The following TMEM135 variants were observed in gnomAD, a reference collection of about 807,000 sequenced individuals.
The protein encoded by TMEM135 is transmembrane protein 135, also known as peroxisomal membrane protein 52.
In TMEM135, 30 loss-of-function variants were observed where a neutral mutation model predicts 60.3. The ratio of observed to expected loss-of-function variants is 0.50; its 90% CI spans 0.37 to 0.68. TMEM135 has a LOEUF of 0.68. Among genes scored for constraint, TMEM135 ranks in the 30% least tolerant of loss-of-function variants. The pLI is 0.00. For missense variants in TMEM135, 468 were observed against 548.8 expected (o/e 0.85, Z 1.47); for synonymous variants, 190 against 186.7 (o/e 1.02, Z -0.14).
At chr11:87,094,413 T>C (rs1350282855) in intron 4 of TMEM135, among the ~76,000 whole-genome samples, 1 of 152,272 alleles carries the variant, frequency 6.6e-6, no homozygotes, top group Non-Finnish European at 1.5e-5. Flanking sequence ...TTCAGTAATT[T>C]AGAGGTCTTG....
chr11:87,057,818 T>G (rs1208616937), intron 1 of TMEM135, among the ~76,000 whole-genome samples: 1 of 149,404 alleles, frequency 6.7e-6, no homozygotes, highest in Non-Finnish European at 1.5e-5. Flanking sequence ...TGTGTGTGTT[T>G]GTGTGTGTGT....
intron 5 of TMEM135, among the ~76,000 whole-genome samples, chr11:87,194,964 A>T (rs666987): frequency 0.13 from 20,015 of 152,116 alleles, 1,375 homozygotes; most frequent in Non-Finnish European, 0.15. Flanking sequence ...CTTGTTTCTA[A>T]CTTTTTAAAT....
At chr11:87,073,680 T>G (rs1856815541) in intron 3 of TMEM135, among the ~76,000 whole-genome samples, 1 of 152,152 alleles carries the variant, frequency 6.6e-6, no homozygotes, top group South Asian at 2.1e-4. Context: ...TTATTTTTTT[T>G]TTTTTGAGAC....
intron 4 of TMEM135, among the ~76,000 whole-genome samples, chr11:87,129,496 G>A (rs1437140746): frequency 1.3e-5 from 2 of 150,114 alleles, no homozygotes; most frequent in East Asian, 2.0e-4. Flanking sequence ...GTCTGCCTAG[G>A]CCTCCCAAAG....
rs571195382 is a variant in TMEM135 at position 87,207,384 on chromosome 11, G to A, written c.463-29254G>A. Among the ~76,000 whole-genome samples, 88 of 152,138 alleles carry A rather than the reference G, an allele frequency of 5.8e-4. 2 individuals carry two copies. Among genetic ancestry groups the A allele is most frequent in the African/African-American group, 2.1e-3 (86 of 41,492 alleles). On this transcript the variant is annotated intron_variant, in intron 5 of 14. Coordinates refer to ENST00000305494, the MANE Select transcript of TMEM135 (RefSeq NM_022918.4). ...TGGCTCTTTTTCTGTTATTCCCTGT[G>A]ATCTTTGCTGTATTTGAAATCATTT... is the stretch of plus-strand genomic sequence containing the variant.
intron 4 of TMEM135, among the ~76,000 whole-genome samples, chr11:87,148,902 G>A (rs1377594887): frequency 2.0e-5 from 3 of 151,798 alleles, no homozygotes; most frequent in Admixed American, 6.6e-5. Flanking sequence ...CGCATTATTG[G>A]CCTGTTATAA....
rs80008827 is a variant in TMEM135, at chr11:87,237,263, G to C, written c.509+579G>C. On this transcript the variant is annotated intron_variant, in intron 6 of 14. Transcript: ENST00000305494. ...AGTAAGAGGGATTTCTGCCATCTTCGTATAATCCCAGCAGTGTGCGAATGA... is the reference window on the plus strand; with the variant it reads ...AGTAAGAGGGATTTCTGCCATCTTCCTATAATCCCAGCAGTGTGCGAATGA... 1.7e-3 allele frequency among the ~76,000 whole-genome samples: 266 copies of C among 152,050 alleles called. 3 individuals carry two copies. The East Asian group carries it at 0.049, about 28-fold the overall frequency.
At chr11:87,132,714 T>A (rs1056804748) in intron 4 of TMEM135, among the ~76,000 whole-genome samples, 2 of 152,264 alleles carry the variant, frequency 1.3e-5, no homozygotes, top group South Asian at 2.1e-4. Flanking sequence ...TTTAATAAAA[T>A]AGGCTTGCAG....
At chr11:87,053,634 A>C (rs1429572339) in intron 1 of TMEM135, among the ~76,000 whole-genome samples, 1 of 152,176 alleles carries the variant, frequency 6.6e-6, no homozygotes, top group Non-Finnish European at 1.5e-5. Flanking sequence ...AGTATAGTGA[A>C]TGTGAAATAT....
chr11:87,250,774 G>C (rs538571407), intron 6 of TMEM135, among the ~76,000 whole-genome samples: 50 of 152,264 alleles, frequency 3.3e-4, no homozygotes, highest in Non-Finnish European at 6.5e-4. Context: ...ACAGAATTTA[G>C]AGGTTAAAAG....
intron 6 of TMEM135, among the ~76,000 whole-genome samples, chr11:87,283,984 G>A (rs2135422950): frequency 6.6e-6 from 1 of 152,238 alleles, no homozygotes; most frequent in South Asian, 2.1e-4. Context: ...TTGTCTTGAG[G>A]TCTTTAAAAA....
At chr11:87,317,499 T>G (rs911512978) in intron 12 of TMEM135, among the ~76,000 whole-genome samples, 1 of 152,174 alleles carries the variant, frequency 6.6e-6, no homozygotes, top group African/African-American at 2.4e-5. Flanking sequence ...TGGATTGATT[T>G]GTATGTAAAG....
chr11:87,158,818 A>T (rs1458838504), intron 5 of TMEM135, among the ~76,000 whole-genome samples: 1 of 152,186 alleles, frequency 6.6e-6, no homozygotes, highest in African/African-American at 2.4e-5. Flanking sequence ...GACTTAATTG[A>T]TCCCTTTGTA....
intron 10 of TMEM135, among the ~76,000 whole-genome samples, chr11:87,310,099 C>G (rs1400717424): frequency 6.6e-6 from 1 of 151,920 alleles, no homozygotes; most frequent in Admixed American, 6.6e-5. Context: ...TTGATAGAAT[C>G]GGTGAGGATT....
chr11:87,219,284 A>T lies in TMEM135; in HGVS notation c.463-17354A>T, dbSNP rs112219151. The stretch of plus-strand genomic sequence containing the variant: ...CAAGGCTACCGTAACAAAATACTAC[A>T]GACTAGATGGCTTATTCAATAGAAA... On this transcript the variant is annotated intron_variant, in intron 5 of 14. Transcript: ENST00000305494. Among the ~76,000 whole-genome samples, 496 of 152,294 alleles carry T rather than the reference A, an allele frequency of 3.3e-3. 4 individuals are homozygous for T. The highest frequency in any genetic ancestry group is 0.011 in the African/African-American group (473 of 41,572).
At chr11:87,205,375 A>G (rs1321919682) in intron 5 of TMEM135, among the ~76,000 whole-genome samples, 2 of 152,220 alleles carry the variant, frequency 1.3e-5, no homozygotes, top group East Asian at 3.8e-4. Context: ...TGTGGTGAAA[A>G]CATTAGAAAG....
intron 2 of TMEM135, among the ~76,000 whole-genome samples, chr11:87,069,158 C>A (rs112277355): frequency 6.6e-6 from 1 of 151,356 alleles, no homozygotes; most frequent in African/African-American, 2.4e-5. Flanking sequence ...TGGTGGCATG[C>A]GCCTGTAGTC....
At chr11:87,044,076 G>C (rs1276679977) in intron 1 of TMEM135, among the ~76,000 whole-genome samples, 1 of 152,064 alleles carries the variant, frequency 6.6e-6, no homozygotes, top group Non-Finnish European at 1.5e-5. Flanking sequence ...TAGATGTTTA[G>C]ACTCTTCAGT....
rs561862487 is a variant in TMEM135, at chr11:87,290,415, G to A, written c.510-5367G>A. ...CATCCCTATAAATGTGTTTTTAGAG[G>A]AAAACCTACAGTAAAGTGTTTGCTA... On this transcript the variant is annotated intron_variant, in intron 6 of 14. Transcript: ENST00000305494. Among the ~76,000 whole-genome samples the A allele has an allele frequency of 2.6e-5, 4 of 152,216 alleles. No homozygotes were observed. The South Asian group carries it at 8.3e-4, about 32-fold the overall frequency.
Sources: gnomAD v4.1 joint callset for allele counts (sites outside exome capture counted in the v4.1 genomes callset) on GRCh38, gnomAD v4.1.1 for gene constraint, MANE v1.5 for transcripts, NCBI Gene and HGNC (gene_info 2026-07-23, HGNC 2026-07-21) for gene names.